The following AGFG1 variants were observed in gnomAD, a reference collection of about 807,000 sequenced individuals.
AGFG1 encodes ArfGAP with FG repeats 1, also known as arf-GAP domain and FG repeat-containing protein 1.
Under a neutral mutation model 60.6 loss-of-function variants are expected in AGFG1, and 10 were observed. That is an observed-to-expected ratio of 0.16 (90% CI 0.10 to 0.28). The LOEUF (loss-of-function observed/expected upper bound fraction) is 0.28. Among genes scored for constraint, AGFG1 ranks in the 10% least tolerant of loss-of-function variants. The pLI is 1.00. For missense variants in AGFG1, 537 were observed against 676.5 expected (o/e 0.79, Z 2.29); for synonymous variants, 247 against 242.9 (o/e 1.02, Z -0.16).
intron 2 of AGFG1, among the ~76,000 whole-genome samples, chr2:227,500,877 C>G (rs1015191467): frequency 1.3e-5 from 2 of 152,034 alleles, no homozygotes; most frequent in Non-Finnish European, 2.9e-5. Flanking sequence ...ACTGCAACCA[C>G]TGCCTCCCAG....
intron 10 of AGFG1, among the ~76,000 whole-genome samples, chr2:227,540,585 C>T (rs1343971824): frequency 1.3e-5 from 2 of 152,124 alleles, no homozygotes; most frequent in Non-Finnish European, 1.5e-5. Flanking sequence ...TTTCTTAATC[C>T]AGTCTGTCAT....
intron 1 of AGFG1, among the ~76,000 whole-genome samples, chr2:227,479,378 A>G (rs1690388271): frequency 6.6e-6 from 1 of 152,232 alleles, no homozygotes; most frequent in Non-Finnish European, 1.5e-5. Flanking sequence ...GATAAAATAC[A>G]GTTTAGATTA....
intron 1 of AGFG1, among the ~76,000 whole-genome samples, chr2:227,473,986 A>C (rs912590521): frequency 6.6e-6 from 1 of 152,232 alleles, no homozygotes; most frequent in African/African-American, 2.4e-5. Context: ...GTCTTGGGCA[A>C]GTACTATGCT....
At chr2:227,546,572 C>T (rs1424791817) in intron 10 of AGFG1, among the ~76,000 whole-genome samples, 3 of 152,222 alleles carry the variant, frequency 2.0e-5, no homozygotes, top group Admixed American at 6.5e-5. Context: ...GCGTCACTCA[C>T]GCTGGGAGCT....
intron 10 of AGFG1, among the ~76,000 whole-genome samples, chr2:227,541,987 GCTCT>G (rs1268722186): frequency 3.3e-5 from 5 of 152,078 alleles, no homozygotes; most frequent in Admixed American, 6.5e-5. Flanking sequence ...TCATGATTTG[GCTCT>G]CTGTCTGTTA....
At chr2:227,533,142 C>T (rs566832644) in intron 6 of AGFG1, among the ~76,000 whole-genome samples, 31 of 152,242 alleles carry the variant, frequency 2.0e-4, no homozygotes, top group East Asian at 3.9e-4. Context: ...TAAACTGTTT[C>T]GTCATGGAGC....
At chr2:227,544,955 G>C (rs999847580) in intron 10 of AGFG1, among the ~76,000 whole-genome samples, 1 of 152,064 alleles carries the variant, frequency 6.6e-6, no homozygotes, top group Admixed American at 6.5e-5. Context: ...CTGTTCTCAG[G>C]GATTATCTTT....
chr2:227,521,606 A>G lies in AGFG1; in HGVS notation c.377+1543A>G, dbSNP rs541749012. On this transcript the variant is annotated intron_variant, in intron 3 of 12. Transcript: ENST00000310078. ...GAATTTCCTAGACATTCTACCCTGTAGGAAAGACTGTTCTCCTTACATAGC... is the reference window on the plus strand; with the variant it reads ...GAATTTCCTAGACATTCTACCCTGTGGGAAAGACTGTTCTCCTTACATAGC... Among the ~76,000 whole-genome samples, 10 of 152,354 alleles carry G rather than the reference A, an allele frequency of 6.6e-5. No individual in the cohort carries two copies. In the South Asian group the frequency reaches 1.4e-3, roughly 22 times the overall value.
intron 10 of AGFG1, among the ~76,000 whole-genome samples, chr2:227,548,757 G>A (rs1304516184): frequency 6.6e-6 from 1 of 152,144 alleles, no homozygotes; most frequent in African/African-American, 2.4e-5. Context: ...CTAACACGGT[G>A]AAACCCCGTC....
rs1232731064 is a variant in AGFG1 at position 227,559,327 on chromosome 2, A to G, written c.*4832A>G. 1 of 152,216 alleles carries G rather than the reference A, an allele frequency of 6.6e-6. No homozygotes were observed. The highest frequency in any genetic ancestry group is 2.4e-5 in the African/African-American group (1 of 41,462). 9.4% of individuals were successfully genotyped at this position (152,216 alleles called of 1,614,324 possible). A position where few individuals can be genotyped will look rare whatever the true frequency, so the allele number is the denominator to read the frequency against. On this transcript the variant is annotated 3_prime_UTR_variant, in exon 13 of 13. Coordinates refer to ENST00000310078, the MANE Select transcript of AGFG1 (RefSeq NM_004504.5). ...CTTGGAGTTGGCAAATCCTGAATAT[A>G]TAGTGAAGGTAGGAAATAGCTCTTC...
chr2:227,503,139 G>C (rs902202435), intron 2 of AGFG1, among the ~76,000 whole-genome samples: 2 of 151,844 alleles, frequency 1.3e-5, no homozygotes, highest in Non-Finnish European at 1.5e-5. Context: ...AGGCTGAGGT[G>C]GGGGGATCAC....
intron 1 of AGFG1, 115 bp downstream of exon 1, chr2:227,472,703 C>T (rs1690131568): frequency 5.9e-6 from 7 of 1,196,456 alleles, no homozygotes; most frequent in Non-Finnish European, 7.5e-6. Context: ...GGGAGGCGGT[C>T]GGGGGCGGCC....
intron 1 of AGFG1, among the ~76,000 whole-genome samples, chr2:227,473,581 C>A (rs186414712): frequency 6.6e-6 from 1 of 152,194 alleles, no homozygotes; most frequent in African/African-American, 2.4e-5. Context: ...ATTTTTATTG[C>A]CGTGCAATTT....
intron 2 of AGFG1, among the ~76,000 whole-genome samples, chr2:227,515,584 C>G (rs971387238): frequency 4.6e-5 from 7 of 152,000 alleles, no homozygotes; most frequent in Non-Finnish European, 8.8e-5. Context: ...ATATAATCAC[C>G]TTTTTCCAAC....
At chr2:227,487,500 T>C (rs1202927578) in intron 1 of AGFG1, among the ~76,000 whole-genome samples, 2 of 152,234 alleles carry the variant, frequency 1.3e-5, no homozygotes, top group Non-Finnish European at 2.9e-5. Flanking sequence ...AAAATTGTTA[T>C]TTGTTTAACC....
At chr2:227,496,754 T>C (rs1690986392) in intron 2 of AGFG1, among the ~76,000 whole-genome samples, 1 of 152,234 alleles carries the variant, frequency 6.6e-6, no homozygotes, top group Non-Finnish European at 1.5e-5. Flanking sequence ...ATAGTATTTA[T>C]TTATTGAATC....
At chr2:227,492,701 AAG>A (rs2106170651) in intron 2 of AGFG1, among the ~76,000 whole-genome samples, 1 of 152,216 alleles carries the variant, frequency 6.6e-6, no homozygotes, top group African/African-American at 2.4e-5. Flanking sequence ...TTATTTAAAG[AAG>A]AGAGCACATT....
chr2:227,472,298 C>T lies in AGFG1; in HGVS notation c.-124C>T. 1 of 553,736 alleles carries T rather than the reference C, an allele frequency of 1.8e-6. No homozygotes were observed. The allele number at this position is 553,736 out of a possible 1,614,324, so 34.3% of individuals were successfully genotyped here. A position where few individuals can be genotyped will look rare whatever the true frequency, so the allele number is the denominator to read the frequency against. On this transcript the variant is annotated 5_prime_UTR_variant, in exon 1 of 13. Transcript: ENST00000310078. ...GCCAAGCCGCTGCGGCCGGGTCCGG[C>T]GCGGGCGGCGCGCGCAGACGGAGGG...
intron 10 of AGFG1, among the ~76,000 whole-genome samples, chr2:227,544,186 G>A (rs1692575937): frequency 1.8e-5 from 2 of 108,404 alleles, no homozygotes; most frequent in South Asian, 3.1e-4. Context: ...ACGGAGTCTC[G>A]CTTTGTCACC....
Sources: gnomAD v4.1 joint callset for allele counts (sites outside exome capture counted in the v4.1 genomes callset) on GRCh38, gnomAD v4.1.1 for gene constraint, MANE v1.5 for transcripts, NCBI Gene and HGNC (gene_info 2026-07-23, HGNC 2026-07-21) for gene names.